MACROD2: variants seen among roughly 807,000 people sequenced by gnomAD.
MACROD2 encodes the protein mono-ADP ribosylhydrolase 2.
In MACROD2, 36 loss-of-function variants were observed where a neutral mutation model predicts 70.4. That is an observed-to-expected ratio of 0.51 (90% CI 0.39 to 0.68). The LOEUF (loss-of-function observed/expected upper bound fraction) is 0.68, where lower values mean the gene tolerates loss of function less well. Among genes scored for constraint, MACROD2 ranks in the 30% least tolerant of loss-of-function variants. The pLI is 0.00. For missense variants in MACROD2, 496 were observed against 538.4 expected (o/e 0.92, Z 0.78); for synonymous variants, 172 against 178.8 (o/e 0.96, Z 0.30).
chr20:14,290,120 C>G (rs144924123), intron 3 of MACROD2, among the ~76,000 whole-genome samples: 255 of 152,248 alleles, frequency 1.7e-3, no homozygotes, highest in Middle Eastern at 6.8e-3. Context: ...GTTACCACCA[C>G]AGCTGTTTTC....
chr20:15,664,535 T>TCTGGGGCTGG (rs2049870511), intron 8 of MACROD2, among the ~76,000 whole-genome samples: 2 of 152,164 alleles, frequency 1.3e-5, no homozygotes. Context: ...GACTTACATG[T>TCTGGGGCTGG]CTGGGGCTGG....
chr20:14,908,484 G>A (rs549829948), intron 5 of MACROD2, among the ~76,000 whole-genome samples: 1 of 152,104 alleles, frequency 6.6e-6, no homozygotes, highest in Non-Finnish European at 1.5e-5. Flanking sequence ...ACAATTCCCT[G>A]TCTCTATTAA....
intron 8 of MACROD2, among the ~76,000 whole-genome samples, chr20:15,595,249 G>A (rs2048731223): frequency 6.6e-6 from 1 of 152,198 alleles, no homozygotes; most frequent in Non-Finnish European, 1.5e-5. Context: ...ACTAAAAATG[G>A]TTAAGATGGT....
intron 5 of MACROD2, among the ~76,000 whole-genome samples, chr20:15,069,325 A>G (rs1568558150): frequency 6.6e-6 from 1 of 152,232 alleles, no homozygotes; most frequent in Non-Finnish European, 1.5e-5. Context: ...AAAATTCACA[A>G]CTTGACCCTG....
At chr20:15,098,679 G>A (rs1296368379) in intron 5 of MACROD2, among the ~76,000 whole-genome samples, 3 of 152,218 alleles carry the variant, frequency 2.0e-5, no homozygotes, top group South Asian at 4.1e-4. Context: ...AGACAACCAA[G>A]CCAATGGTCA....
At chr20:14,238,079 C>T (rs896946388) in intron 3 of MACROD2, among the ~76,000 whole-genome samples, 26 of 152,130 alleles carry the variant, frequency 1.7e-4, no homozygotes, top group Admixed American at 8.5e-4. Flanking sequence ...ATGGCTGGGT[C>T]AAATGGTCTT....
Position 14,152,628 on chromosome 20 carries a change from C to T in MACROD2, c.271+66900C>T, listed in dbSNP as rs1450420635. On this transcript the variant is annotated intron_variant, in intron 3 of 17. Coordinates refer to ENST00000684519, the MANE Select transcript of MACROD2 (RefSeq NM_001351661.2). ...TTTTAGTAGAGATGGGGTTTTGCTA[C>T]GTTGGCCAGGCGGGTTTCGAACTCC... is the stretch of plus-strand genomic sequence containing the variant. 2.6e-5 allele frequency among the ~76,000 whole-genome samples: 4 copies of T among 152,012 alleles called. No individual in the cohort carries two copies. In the East Asian group the frequency reaches 5.8e-4, roughly 22 times the overall value.
At chr20:15,583,854 C>T (rs1442004075) in intron 8 of MACROD2, among the ~76,000 whole-genome samples, 2 of 152,142 alleles carry the variant, frequency 1.3e-5, no homozygotes, top group Non-Finnish European at 2.9e-5. Flanking sequence ...GTTGGCCAGG[C>T]TGGTCTCAAA....
chr20:16,033,808 T>C (rs1423878613), intron 15 of MACROD2, among the ~76,000 whole-genome samples: 1 of 148,032 alleles, frequency 6.8e-6, no homozygotes, highest in Non-Finnish European at 1.5e-5. Flanking sequence ...CTGAGAAAGA[T>C]AGCCAGAAGT....
At chr20:15,985,822 G>T (rs893088307) in intron 13 of MACROD2, 2 of 152,222 alleles carry the variant, frequency 1.3e-5, no homozygotes, top group Admixed American at 6.5e-5. Flanking sequence ...TAGAAGGAAG[G>T]GCTTTATTCA....
intron 8 of MACROD2, among the ~76,000 whole-genome samples, chr20:15,838,941 G>T (rs2147127827): frequency 6.6e-6 from 1 of 152,154 alleles, no homozygotes; most frequent in Non-Finnish European, 1.5e-5. Flanking sequence ...GACGGCTTTG[G>T]GTACTCAACT....
intron 3 of MACROD2, among the ~76,000 whole-genome samples, chr20:14,345,434 A>G (rs1269856091): frequency 1.3e-5 from 2 of 152,182 alleles, no homozygotes; most frequent in Non-Finnish European, 2.9e-5. Flanking sequence ...TAGAAAGTAC[A>G]ATACATTATT....
chr20:15,631,246 A>AT (rs2049286324), intron 8 of MACROD2, among the ~76,000 whole-genome samples: 1 of 152,164 alleles, frequency 6.6e-6, no homozygotes. Flanking sequence ...ATATGTTCTG[A>AT]TGAGGCACTT....
intron 4 of MACROD2, among the ~76,000 whole-genome samples, chr20:14,642,965 A>G (rs1177710995): frequency 6.6e-6 from 1 of 152,152 alleles, no homozygotes. Context: ...GTATCCGTGG[A>G]GCACAGTAAA....
In MACROD2 at chr20:14,478,654, A is replaced by G. The variant is rs150376515; in HGVS notation, c.272-14825A>G. On this transcript the variant is annotated intron_variant, in intron 3 of 17. Coordinates refer to ENST00000684519, the MANE Select transcript of MACROD2 (RefSeq NM_001351661.2). Reference sequence around the variant, plus strand: ...CCTTCAGGGCCTACTCTCTTTCTCAACTTCTGGGATCTTTTGGTTTTGTCC... The same window carrying G: ...CCTTCAGGGCCTACTCTCTTTCTCAGCTTCTGGGATCTTTTGGTTTTGTCC... Among the ~76,000 whole-genome samples the G allele has an allele frequency of 1.6e-3, 237 of 151,596 alleles. 1 individual carries two copies. The highest frequency in any genetic ancestry group is 4.0e-3 in the Admixed American group (61 of 15,252).
At chr20:14,802,646 A>T (rs887618059) in intron 5 of MACROD2, among the ~76,000 whole-genome samples, 2 of 152,032 alleles carry the variant, frequency 1.3e-5, no homozygotes, top group Non-Finnish European at 2.9e-5. Flanking sequence ...GTAAATAATG[A>T]TGAGGCAAAA....
At chr20:15,748,408 T>A (rs2051217707) in intron 8 of MACROD2, among the ~76,000 whole-genome samples, 1 of 151,916 alleles carries the variant, frequency 6.6e-6, no homozygotes, top group Non-Finnish European at 1.5e-5. Context: ...TTCTCTTTAT[T>A]TTTTTTTCTG....
At chr20:15,447,297 C>T (rs1449037274) in intron 7 of MACROD2, among the ~76,000 whole-genome samples, 1 of 152,178 alleles carries the variant, frequency 6.6e-6, no homozygotes, top group African/African-American at 2.4e-5. Flanking sequence ...CCTGGGAAGG[C>T]AGAGCCTGGC....
chr20:14,425,934 C>T (rs187429429), intron 3 of MACROD2, among the ~76,000 whole-genome samples: 161 of 152,228 alleles, frequency 1.1e-3, no homozygotes, highest in African/African-American at 3.8e-3. Context: ...TGATGGTTTC[C>T]TGACTACCGA....
Sources: allele counts gnomAD v4.1 joint callset (sites outside exome capture counted in the v4.1 genomes callset), GRCh38; gene constraint gnomAD v4.1.1; transcripts MANE v1.5; gene names NCBI Gene and HGNC (gene_info 2026-07-23, HGNC 2026-07-21).